The following USP36 variants were observed in gnomAD, a reference collection of about 807,000 sequenced individuals.
USP36 encodes ubiquitin specific peptidase 36.
In USP36, 59 loss-of-function variants were observed where a neutral mutation model predicts 111.5. The observed-to-expected ratio is 0.53, with a 90% CI of 0.43 to 0.66. The LOEUF is 0.66. Ranked by LOEUF, USP36 falls within the 30% of genes least tolerant of loss-of-function variation. The probability of loss-of-function intolerance (pLI) is 0.00; values close to 1 mark genes in which losing one functional copy is unlikely to be tolerated. For synonymous variants in USP36, 628 were observed against 581.0 expected, an observed-to-expected ratio of 1.08 and a Z score of -1.16; for missense variants, 1,488 against 1,468.0, an observed-to-expected ratio of 1.01 and a Z score of -0.22.
chr17:78,828,371 A>G (rs549886117), intron 5 of USP36, among the ~76,000 whole-genome samples: 3 of 152,192 alleles, frequency 2.0e-5, no homozygotes, highest in Non-Finnish European at 4.4e-5. Flanking sequence ...ACTTTTTTAT[A>G]GCATAGGCAA....
intron 17 of USP36, among the ~76,000 whole-genome samples, chr17:78,800,576 T>A (rs2093715580): frequency 6.6e-6 from 1 of 152,230 alleles, no homozygotes; most frequent in African/African-American, 2.4e-5. Context: ...AAGTGTCCCC[T>A]GCCCCCACAC....
At chr17:78,827,474 G>GTGAGGAAAACA (rs2067669341) in intron 5 of USP36, 127 bp from the exon 6 acceptor site, 2 of 845,112 alleles carry the variant, frequency 2.4e-6, no homozygotes, top group Non-Finnish European at 3.6e-6. Context: ...AAAGGAACAA[G>GTGAGGAAAACA]TGAGGAAAAC....
intron 10 of USP36, 139 bp from the exon 11 acceptor site, chr17:78,814,691 G>A (rs573455212): frequency 3.4e-5 from 36 of 1,053,956 alleles, no homozygotes; most frequent in Middle Eastern, 6.3e-4. Context: ...AGTGGCTCAC[G>A]CCTGTAATCC....
At chr17:78,811,870 A>G (rs2094067282) in intron 13 of USP36, among the ~76,000 whole-genome samples, 1 of 151,128 alleles carries the variant, frequency 6.6e-6, no homozygotes, top group Non-Finnish European at 1.5e-5. Flanking sequence ...TCCGTCTCAA[A>G]GAAAAAAAAA....
At chr17:78,807,847 C>T (rs2093949830) in intron 13 of USP36, among the ~76,000 whole-genome samples, 1 of 152,162 alleles carries the variant, frequency 6.6e-6, no homozygotes, top group South Asian at 2.1e-4. Context: ...GGGACCACAG[C>T]CGTGTACCAC....
chr17:78,795,007 G>C (rs1171151610), downstream of USP36, among the ~76,000 whole-genome samples: 1 of 145,134 alleles, frequency 6.9e-6, no homozygotes, highest in Admixed American at 6.8e-5. The surrounding 1 kb of genome is among the most constrained non-coding windows in gnomAD (Gnocchi z 4.5). Flanking sequence ...GACTCTGTTC[G>C]GGAAAAAAAA....
At chr17:78,818,184 T>C (rs1187559265) in intron 10 of USP36, among the ~76,000 whole-genome samples, 2 of 152,136 alleles carry the variant, frequency 1.3e-5, no homozygotes, top group Non-Finnish European at 2.9e-5. Flanking sequence ...ACGGCACCTG[T>C]TCTAGACATC....
intron 2 of USP36, among the ~76,000 whole-genome samples, chr17:78,837,135 GCTT>G (rs2068760268): frequency 1.3e-5 from 2 of 152,092 alleles, no homozygotes; most frequent in Admixed American, 1.3e-4. Flanking sequence ...AATTTCACCT[GCTT>G]CTTTTTAATG....
In USP36 at chr17:78,836,217, G is replaced by C; in HGVS notation, c.147C>G (p.Phe49Leu). ...KIEFEPASKSFSYQLEALKSK... is the reference protein window; with the variant it reads ...KIEFEPASKSLSYQLEALKSK... ...TCTTTAAGGCCTCCAGCTGGTAGGAGAAGCTCTTGCTGGCTGGCTCGAACT... is the reference window on the plus strand; with the variant it reads ...TCTTTAAGGCCTCCAGCTGGTAGGACAAGCTCTTGCTGGCTGGCTCGAACT... Residue 49 changes from phenylalanine (F) to leucine (L), a missense_variant, in exon 3 of 21, where the codon TTC (phenylalanine) becomes TTG (leucine). Coordinates refer to ENST00000449938, the MANE Select transcript of USP36 (RefSeq NM_001385174.1). The C allele has an allele frequency of 6.2e-7, 1 of 1,614,168 alleles. No individual in the cohort carries two copies. Among genetic ancestry groups the C allele is most frequent in the Non-Finnish European group, 8.5e-7 (1 of 1,180,034 alleles).
At chr17:78,805,382 A>T (rs2093869767) in intron 15 of USP36, among the ~76,000 whole-genome samples, 1 of 152,164 alleles carries the variant, frequency 6.6e-6, no homozygotes, top group Non-Finnish European at 1.5e-5. Flanking sequence ...GTGTGTGTAT[A>T]TGTGAGAGGA....
chr17:78,827,453 T>C lies in USP36; in HGVS notation c.587-106A>G, dbSNP rs2145519333. 6.6e-6 allele frequency: 7 copies of C among 1,052,710 alleles called. No individual in the cohort carries two copies. In the East Asian group the frequency reaches 1.0e-4, roughly 16 times the overall value. The allele number at this position is 1,052,710 out of a possible 1,614,324, so 65.2% of individuals were successfully genotyped here. A position where few individuals can be genotyped will look rare whatever the true frequency, so the allele number is the denominator to read the frequency against. On this transcript the variant is annotated intron_variant, in intron 5 of 20. Coordinates refer to ENST00000449938, the MANE Select transcript of USP36 (RefSeq NM_001385174.1). ...CCTGGCTGTTATAAGGGGAAAATAC[T>C]GCAACTTTTCAAAGGAACAAGTGAG...
At chr17:78,822,637 G>A (rs746280101) in intron 6 of USP36, among the ~76,000 whole-genome samples, 2 of 152,196 alleles carry the variant, frequency 1.3e-5, no homozygotes, top group African/African-American at 2.4e-5. Flanking sequence ...TGAGCTCTGG[G>A]GCCTCTTCTC....
At position 78,812,898 on chromosome 17, in the gene USP36, T is replaced by C. The variant is rs769519436; in HGVS notation, c.1369A>G (p.Ile457Val). The change falls in exon 13 of 21, where the codon ATC becomes GTC. Residue 457 changes from isoleucine to valine, a missense_variant. This residue lies in a region of USP36 where 1,073 missense variants were observed against 994.1 expected (regional missense o/e 1.08). Transcript: ENST00000449938. The stretch of plus-strand genomic sequence containing the variant: ...GGGGAGGAAATAATCCCATTGCCGA[T>C]GTTCTTCTTGGAGTGATCTGGAATC... ...SVIPDHSKKN[I>V]GNGIISSPLT... is the part of the protein sequence containing the mutation. The C allele has an allele frequency of 2.0e-5, 33 of 1,613,592 alleles. No homozygotes were observed. Among genetic ancestry groups the C allele is most frequent in the African/African-American group, 5.3e-5 (4 of 74,816 alleles).
chr17:78,789,964 A>G (rs2093568734), intron 3 of USP36, among the ~76,000 whole-genome samples: 1 of 152,262 alleles, frequency 6.6e-6, no homozygotes, highest in Admixed American at 6.5e-5. Flanking sequence ...ATGCAGTCAC[A>G]AAGTATGCTG....
intron 10 of USP36, among the ~76,000 whole-genome samples, chr17:78,815,806 A>G (rs900335600): frequency 6.6e-6 from 1 of 151,760 alleles, no homozygotes; most frequent in Admixed American, 6.6e-5. Flanking sequence ...ATGCATACAT[A>G]CATCGTATAC....
chr17:78,809,627 CCTTT>C (rs1195592410), intron 13 of USP36, among the ~76,000 whole-genome samples: 1 of 152,066 alleles, frequency 6.6e-6, no homozygotes, highest in African/African-American at 2.4e-5. Flanking sequence ...AGTGGGGCTT[CCTTT>C]GTTTTTCTGG....
intron 2 of USP36, among the ~76,000 whole-genome samples, 200 bp downstream of exon 2, chr17:78,838,377 AAAAAAAAAAC>A (rs1323499131): frequency 6.6e-6 from 1 of 151,272 alleles, no homozygotes; most frequent in Admixed American, 6.6e-5. Context: ...GTCTCAAAAA[AAAAAAAAAAC>A]AAAAAACAAA....
chr17:78,833,439 GC>G (rs1026529348), intron 4 of USP36, among the ~76,000 whole-genome samples: 2 of 152,002 alleles, frequency 1.3e-5, no homozygotes, highest in African/African-American at 4.8e-5. Flanking sequence ...GAGCCACCGT[GC>G]CCAGCCAGTA....
chr17:78,793,589 C>A (rs541825792), downstream of USP36, among the ~76,000 whole-genome samples: 1 of 152,292 alleles, frequency 6.6e-6, no homozygotes, highest in African/African-American at 2.4e-5. Context: ...ACACAGAAAG[C>A]TGCCCGTCTG....
Sources: allele counts gnomAD v4.1 joint callset (sites outside exome capture counted in the v4.1 genomes callset), GRCh38; gene constraint gnomAD v4.1.1; regional missense constraint gnomAD v4.1.1; non-coding constraint Gnocchi (gnomAD v3.1); transcripts MANE v1.5; gene names NCBI Gene and HGNC (gene_info 2026-07-23, HGNC 2026-07-21).